The following SHB variants were observed in gnomAD, a reference collection of about 807,000 sequenced individuals.
SHB encodes SH2 domain-containing adapter protein B.
In SHB, 20 loss-of-function variants were observed where a neutral mutation model predicts 52.3. The observed-to-expected ratio is 0.38, with a 90% CI of 0.27 to 0.56. The LOEUF is 0.56. Ranked by LOEUF, SHB falls within the 20% of genes least tolerant of loss-of-function variation. The pLI, the probability that SHB is intolerant of heterozygous loss-of-function variation, is 0.71. For synonymous variants in SHB, 397 were observed against 316.5 expected, an observed-to-expected ratio of 1.25 and a Z score of -2.70; for missense variants, 825 against 723.3, an observed-to-expected ratio of 1.14 and a Z score of -1.61.
At chr9:37,938,395 C>T (rs917008568) in intron 5 of SHB, among the ~76,000 whole-genome samples, 1 of 152,210 alleles carries the variant, frequency 6.6e-6, no homozygotes, top group Admixed American at 6.5e-5. Context: ...ACCCTCTATG[C>T]CTTCTCCCAA....
rs141643430 is a variant in SHB, at chr9:37,943,004, C to T, written c.1346+5631G>A. On this transcript the variant is annotated intron_variant, in intron 5 of 5. Coordinates refer to ENST00000377707, the MANE Select transcript of SHB (RefSeq NM_003028.3). ...TCATGGTTCTAGAATACAGCCCTGACAATAGCACTGCATCCTGTTTCAAAC... is the reference window on the plus strand; with the variant it reads ...TCATGGTTCTAGAATACAGCCCTGATAATAGCACTGCATCCTGTTTCAAAC... 7.2e-5 allele frequency among the ~76,000 whole-genome samples: 11 copies of T among 152,288 alleles called. 1 individual carries two copies. Among genetic ancestry groups the T allele is most frequent in the South Asian group, 6.2e-4 (3 of 4,822 alleles).
At chr9:38,035,978 G>A (rs936343060) in intron 1 of SHB, among the ~76,000 whole-genome samples, 1 of 152,092 alleles carries the variant, frequency 6.6e-6, no homozygotes, top group Non-Finnish European at 1.5e-5. Context: ...AAACAGGCGC[G>A]TGCAAAACCT....
intron 3 of SHB, among the ~76,000 whole-genome samples, chr9:37,963,987 G>C (rs753425858): frequency 4.6e-5 from 7 of 152,238 alleles, no homozygotes; most frequent in Non-Finnish European, 8.8e-5. Context: ...CCGAGGCCCA[G>C]AGAGGTGAGG....
chr9:37,976,054 G>C (rs1488655777), intron 2 of SHB, among the ~76,000 whole-genome samples: 1 of 151,972 alleles, frequency 6.6e-6, no homozygotes, highest in African/African-American at 2.4e-5. Context: ...TTTATTTTTT[G>C]AGATGGAGTC....
At chr9:37,927,762 T>C (rs2118466117) in intron 5 of SHB, among the ~76,000 whole-genome samples, 1 of 152,302 alleles carries the variant, frequency 6.6e-6, no homozygotes, top group Admixed American at 6.5e-5. Flanking sequence ...ACTTGGTGGG[T>C]GGATCCCGCT....
chr9:38,040,956 G>A (rs1489257909), intron 1 of SHB, among the ~76,000 whole-genome samples: 2 of 152,074 alleles, frequency 1.3e-5, no homozygotes, highest in East Asian at 3.9e-4. Flanking sequence ...GCAGGGCTGG[G>A]GTGGAAGATA....
chr9:37,958,546 C>T (rs572664740), intron 3 of SHB, among the ~76,000 whole-genome samples: 3 of 152,340 alleles, frequency 2.0e-5, no homozygotes, highest in South Asian at 2.1e-4. Context: ...AGAGTGAGGA[C>T]TCGCTGGGGG....
chr9:37,994,060 A>G (rs1820917601), intron 2 of SHB, among the ~76,000 whole-genome samples: 1 of 152,230 alleles, frequency 6.6e-6, no homozygotes, highest in Admixed American at 6.5e-5. Context: ...AAATAATGGA[A>G]CCATAGGCGG....
At chr9:37,920,312 AAACAAAACAAAAC>A (rs1832164260) in intron 5 of SHB, among the ~76,000 whole-genome samples, 1 of 147,216 alleles carries the variant, frequency 6.8e-6, no homozygotes, top group Non-Finnish European at 1.5e-5. Flanking sequence ...AAACAAAACA[AAACAAAACAAAAC>A]AAAACAAAAC....
intron 2 of SHB, 91 bp downstream of exon 2, chr9:38,015,920 G>A: frequency 7.6e-7 from 1 of 1,318,736 alleles, no homozygotes. Context: ...TGCCCCCAGT[G>A]AGGCTGGTTG....
chr9:38,031,098 C>T (rs936342329), intron 1 of SHB, among the ~76,000 whole-genome samples: 1 of 152,168 alleles, frequency 6.6e-6, no homozygotes, highest in Admixed American at 6.5e-5. Context: ...AAGGTGGGAG[C>T]ATCACGAGGT....
chr9:37,991,947 G>A (rs1284089977), intron 2 of SHB, among the ~76,000 whole-genome samples: 1 of 152,220 alleles, frequency 6.6e-6, no homozygotes, highest in Non-Finnish European at 1.5e-5. Context: ...TTAACATGGG[G>A]TCCCAGGCTC....
chr9:38,019,170 T>C (rs1821252530), intron 1 of SHB, among the ~76,000 whole-genome samples: 1 of 152,210 alleles, frequency 6.6e-6, no homozygotes, highest in African/African-American at 2.4e-5. Context: ...GCTTAGTCAG[T>C]GAGCCACGTC....
chr9:38,016,817 G>A (rs1319439696), intron 1 of SHB, among the ~76,000 whole-genome samples: 1 of 152,226 alleles, frequency 6.6e-6, no homozygotes, highest in East Asian at 1.9e-4. Flanking sequence ...GGTCCAGTGT[G>A]AGCAGAGGCT....
chr9:37,996,398 C>T (rs907049376), intron 2 of SHB, among the ~76,000 whole-genome samples: 2 of 152,218 alleles, frequency 1.3e-5, no homozygotes, highest in African/African-American at 4.8e-5. Context: ...GCAGCCTGTC[C>T]AGCCCTTGGG....
intron 5 of SHB, among the ~76,000 whole-genome samples, chr9:37,944,171 G>A (rs533897832): frequency 6.6e-6 from 1 of 152,308 alleles, no homozygotes; most frequent in East Asian, 1.9e-4. Flanking sequence ...CGCCGAAGAC[G>A]ATTCACAGGT....
At chr9:38,036,349 G>C (rs1014256217) in intron 1 of SHB, among the ~76,000 whole-genome samples, 3 of 152,214 alleles carry the variant, frequency 2.0e-5, no homozygotes, top group African/African-American at 7.2e-5. Flanking sequence ...TAGCATCTGG[G>C]AGGAACAAAA....
In SHB at chr9:37,917,428, T is replaced by G. The variant is rs1832114371; in HGVS notation, c.*2393A>C. On this transcript the variant is annotated 3_prime_UTR_variant, in exon 6 of 6. Transcript: ENST00000377707. ...TCCACTGAGACCCTCCCAGAGCCTT[T>G]TCTGAGGAGCAATGTGCCCGGGAAG... Among the ~76,000 whole-genome samples the G allele has an allele frequency of 6.6e-6, 1 of 152,110 alleles. No homozygotes were observed. Among genetic ancestry groups the G allele is most frequent in the Admixed American group, 6.5e-5 (1 of 15,278 alleles).
At chr9:37,950,582 G>C (rs1832555038) in intron 4 of SHB, among the ~76,000 whole-genome samples, 1 of 152,206 alleles carries the variant, frequency 6.6e-6, no homozygotes, top group African/African-American at 2.4e-5. Context: ...GCCAGGAGAG[G>C]CAGAGGCACG....
Sources: allele counts gnomAD v4.1 joint callset (sites outside exome capture counted in the v4.1 genomes callset), GRCh38; gene constraint gnomAD v4.1.1; transcripts MANE v1.5; gene names NCBI Gene and HGNC (gene_info 2026-07-23, HGNC 2026-07-21).